The following CHL1 variants were observed in gnomAD, a reference collection of about 807,000 sequenced individuals.
The protein encoded by CHL1 is cell adhesion molecule L1 like.
Under a neutral mutation model 141.9 loss-of-function variants are expected in CHL1, and 96 were observed. The observed-to-expected ratio is 0.68, with a 90% confidence interval of 0.57 to 0.80. The LOEUF is 0.80. Among genes scored for constraint, CHL1 ranks in the 30% least tolerant of loss-of-function variants. The pLI is 0.00. For synonymous variants in CHL1, 613 were observed against 502.2 expected (o/e 1.22, Z -2.95); for missense variants, 1,820 against 1,457.2 (o/e 1.25, Z -4.05).
intron 2 of CHL1, among the ~76,000 whole-genome samples, chr3:287,905 A>G (rs1418545704): frequency 1.3e-5 from 2 of 151,718 alleles, no homozygotes; most frequent in East Asian, 1.9e-4. Flanking sequence ...AGCTGGGACT[A>G]CAGGCGTGCG....
At chr3:297,757 G>T (rs911793397) in intron 2 of CHL1, among the ~76,000 whole-genome samples, 6 of 152,148 alleles carry the variant, frequency 3.9e-5, no homozygotes, top group Admixed American at 1.3e-4. Flanking sequence ...GCTTTTGTTA[G>T]CTTCAAAGAG....
intron 2 of CHL1, among the ~76,000 whole-genome samples, chr3:318,675 C>A (rs1489955794): frequency 1.3e-5 from 2 of 151,208 alleles, no homozygotes; most frequent in Admixed American, 1.3e-4. Context: ...GAACCAAACT[C>A]ACATTTGTAA....
At chr3:266,608 A>G (rs991898629) in intron 2 of CHL1, among the ~76,000 whole-genome samples, 3 of 141,328 alleles carry the variant, frequency 2.1e-5, no homozygotes, top group Admixed American at 7.0e-5. Context: ...TTACTTTGCA[A>G]TATGTCTGAT....
chr3:361,789 C>T lies in CHL1; in HGVS notation c.1397C>T (p.Ser466Leu), dbSNP rs745992146. Reference protein sequence around the residue: ...SAFLHCEFFASPEAVVSWQKV... With the variant: ...SAFLHCEFFALPEAVVSWQKV... Reference sequence around the variant, plus strand: ...TTCTTACATTGCGAGTTCTTTGCTTCACCTGAGGCAGTCGTGTCCTGGTAA... The same window carrying T: ...TTCTTACATTGCGAGTTCTTTGCTTTACCTGAGGCAGTCGTGTCCTGGTAA... The change falls in exon 13 of 28, where the codon TCA (serine) becomes TTA (leucine). Residue 466 changes from serine to leucine, a missense_variant. Transcript: ENST00000256509. 3.1e-6 allele frequency: 5 copies of T among 1,612,466 alleles called. No individual in the cohort carries two copies. The highest frequency in any genetic ancestry group is 4.2e-6 in the Non-Finnish European group (5 of 1,178,584).
At chr3:306,007 C>G (rs1368006021) in intron 2 of CHL1, among the ~76,000 whole-genome samples, 1 of 152,100 alleles carries the variant, frequency 6.6e-6, no homozygotes, top group East Asian at 1.9e-4. Context: ...AAAATTGAAT[C>G]TAACTGGTTA....
At chr3:348,066 A>G (rs1702917991) in intron 9 of CHL1, among the ~76,000 whole-genome samples, 1 of 152,240 alleles carries the variant, frequency 6.6e-6, no homozygotes, top group African/African-American at 2.4e-5. Context: ...TTGCTCAATT[A>G]TTACATAGTA....
At chr3:321,827 A>T (rs1031922945) in intron 3 of CHL1, among the ~76,000 whole-genome samples, 5 of 152,094 alleles carry the variant, frequency 3.3e-5, no homozygotes, top group Non-Finnish European at 7.4e-5. Context: ...ACTAAGGCAG[A>T]TATCCAATTT....
Position 383,919 on chromosome 3 carries a change from T to G in CHL1, c.2247+33T>G, listed in dbSNP as rs760687012. 2.0e-6 allele frequency: 3 copies of G among 1,472,452 alleles called. No individual in the cohort carries two copies. In the South Asian group the frequency reaches 3.6e-5, roughly 17 times the overall value. The allele number at this position is 1,472,452 out of a possible 1,614,324, so 91.2% of individuals were successfully genotyped here. On this transcript the variant is annotated intron_variant, in intron 19 of 27. Transcript: ENST00000256509. ...TTTCTTAATACGTTATGTATTTCTT[T>G]GTGCTTTTCTCTTCCTCTTAGGTCT...
intron 15 of CHL1, chr3:376,311 A>G (rs930237): frequency 0.91 from 433,623 of 478,826 alleles, 198,868 homozygotes; most frequent in East Asian, 1. Flanking sequence ...TGATTTTGAC[A>G]TGTGACAGAA....
At chr3:238,770 C>CAA (rs145162673) in intron 1 of CHL1, among the ~76,000 whole-genome samples, 7,075 of 145,434 alleles carry the variant, frequency 0.049, 182 homozygotes, top group Non-Finnish European at 0.064. Flanking sequence ...ACTAAAAATA[C>CAA]AAAAAAAAAA....
chr3:248,322 GGTAGATTTTAA>G (rs1411271464), intron 2 of CHL1: 1 of 152,038 alleles, frequency 6.6e-6, no homozygotes, highest in Non-Finnish European at 1.5e-5. Context: ...TAATGCTACA[GGTAGATTTTAA>G]GTCACTAGGA....
chr3:221,611 C>A (rs187647863), intron 1 of CHL1, among the ~76,000 whole-genome samples: 15 of 152,328 alleles, frequency 9.8e-5, no homozygotes, highest in African/African-American at 3.4e-4. Context: ...AGAGGGAATT[C>A]GCATGAGCAA....
rs1320833693 is a variant in CHL1, at chr3:361,004, G to A, written c.1306+580G>A. 3.3e-5 allele frequency among the ~76,000 whole-genome samples: 5 copies of A among 151,920 alleles called. No homozygotes were observed. The South Asian group carries it at 1.0e-3, about 32-fold the overall frequency. ...TCCAGTCTATCATAGATGGACATTT[G>A]GGTTGGTTCCAAGTCTTTGCTATTG... On this transcript the variant is annotated intron_variant, in intron 12 of 27. Coordinates refer to ENST00000256509, the MANE Select transcript of CHL1 (RefSeq NM_006614.4).
intron 2 of CHL1, among the ~76,000 whole-genome samples, chr3:249,066 C>G (rs1364406085): frequency 6.6e-6 from 1 of 152,180 alleles, no homozygotes; most frequent in African/African-American, 2.4e-5. Flanking sequence ...AACATTGACA[C>G]AAATCACAGA....
chr3:353,336 G>C (rs1158909962), intron 10 of CHL1, among the ~76,000 whole-genome samples: 1 of 151,686 alleles, frequency 6.6e-6, no homozygotes, highest in African/African-American at 2.4e-5. Context: ...TTTTATATTG[G>C]TTGTATTAAA....
intron 2 of CHL1, among the ~76,000 whole-genome samples, chr3:293,532 A>T (rs1215318255): frequency 6.6e-6 from 1 of 152,100 alleles, no homozygotes; most frequent in South Asian, 2.1e-4. Context: ...CCCTAATTGA[A>T]TCTTTCCCCC....
intron 13 of CHL1, 39 bp downstream of exon 13, chr3:361,849 A>G (rs1704284870): frequency 7.5e-7 from 1 of 1,328,906 alleles, no homozygotes; most frequent in Non-Finnish European, 1.1e-6. Flanking sequence ...GAGAATGTCA[A>G]TTGTAGATTT....
chr3:294,127 T>C (rs1697964258), intron 2 of CHL1, among the ~76,000 whole-genome samples: 1 of 151,962 alleles, frequency 6.6e-6, no homozygotes, highest in African/African-American at 2.4e-5. Flanking sequence ...AAGACCAGAC[T>C]GGGCAACATG....
At chr3:200,787 C>T (rs1227983799) in intron 1 of CHL1, among the ~76,000 whole-genome samples, 1 of 152,150 alleles carries the variant, frequency 6.6e-6, no homozygotes, top group Non-Finnish European at 1.5e-5. Flanking sequence ...TCCTCTCACC[C>T]CTTGGGGGAG....
Sources: allele counts gnomAD v4.1 joint callset (sites outside exome capture counted in the v4.1 genomes callset), GRCh38; gene constraint gnomAD v4.1.1; transcripts MANE v1.5; gene names NCBI Gene and HGNC (gene_info 2026-07-23, HGNC 2026-07-21).